Variants in SMARCC1 observed in about 807,000 individuals in gnomAD.
SMARCC1 encodes SWI/SNF related BAF chromatin remodeling complex subunit C1.
In SMARCC1, 43 loss-of-function variants were observed where a neutral mutation model predicts 147.4. That is an observed-to-expected ratio of 0.29 (90% CI 0.23 to 0.38). The LOEUF is 0.38. SMARCC1 is among the 10% of genes least tolerant of loss of function. The pLI is 1.00. For missense variants in SMARCC1, 1,119 were observed against 1,381.1 expected (o/e 0.81, Z 3.01); for synonymous variants, 495 against 484.4 (o/e 1.02, Z -0.29).
intron 4 of SMARCC1, among the ~76,000 whole-genome samples, chr3:47,737,574 A>G (rs191407348): frequency 9.5e-4 from 145 of 152,278 alleles, no homozygotes; most frequent in African/African-American, 3.3e-3. Context: ...AATACCTTTC[A>G]GAACATTTTC....
At chr3:47,733,970 C>CGT (rs564024219) in intron 5 of SMARCC1, among the ~76,000 whole-genome samples, 71 of 150,186 alleles carry the variant, frequency 4.7e-4, no homozygotes, top group South Asian at 3.6e-3. Flanking sequence ...CATATATGTA[C>CGT]GTGTGTGTAT....
intron 17 of SMARCC1, among the ~76,000 whole-genome samples, chr3:47,676,150 T>G (rs1409435742): frequency 1.3e-5 from 2 of 152,186 alleles, no homozygotes; most frequent in Non-Finnish European, 2.9e-5. Context: ...ATTTATACCT[T>G]AGGTTCCTGT....
chr3:47,737,408 A>T (rs1423409015), intron 4 of SMARCC1, among the ~76,000 whole-genome samples: 2 of 152,176 alleles, frequency 1.3e-5, no homozygotes, highest in Non-Finnish European at 2.9e-5. Flanking sequence ...CAAAGAAAAT[A>T]AAAATAAAAT....
intron 3 of SMARCC1, among the ~76,000 whole-genome samples, chr3:47,738,651 T>C (rs1369940416): frequency 6.6e-6 from 1 of 151,804 alleles, no homozygotes; most frequent in Non-Finnish European, 1.5e-5. Context: ...GCCACTGCAC[T>C]CTAGCCTGGT....
chr3:47,630,426 T>TG (rs557255346), intron 24 of SMARCC1, among the ~76,000 whole-genome samples: 144 of 152,302 alleles, frequency 9.5e-4, no homozygotes, highest in African/African-American at 3.3e-3. Context: ...CCAGTGGGGT[T>TG]GGGGACCCCT....
intron 21 of SMARCC1, among the ~76,000 whole-genome samples, chr3:47,659,050 G>A (rs954503058): frequency 4.6e-5 from 7 of 150,770 alleles, no homozygotes; most frequent in East Asian, 2.0e-4. Context: ...CCCAGGAGGC[G>A]GAGGCTGCAG....
intron 12 of SMARCC1, 41 bp downstream of exon 12, chr3:47,693,200 G>C (rs372639695): frequency 1.1e-4 from 128 of 1,150,730 alleles, no homozygotes; most frequent in Non-Finnish European, 1.6e-4. Flanking sequence ...ACATATTCAA[G>C]ACAGAAAGCA....
At chr3:47,604,382 T>TA (rs1219643821) in intron 26 of SMARCC1, 1 of 434,270 alleles carries the variant, frequency 2.3e-6, no homozygotes, top group Non-Finnish European at 4.6e-6. Flanking sequence ...TCATATATCA[T>TA]AAAGTCGAGC....
intron 2 of SMARCC1, among the ~76,000 whole-genome samples, chr3:47,760,046 G>C (rs2034756152): frequency 6.6e-6 from 1 of 152,176 alleles, no homozygotes; most frequent in Non-Finnish European, 1.5e-5. Flanking sequence ...AGGTATGGTG[G>C]CTCACGCCTG....
At chr3:47,633,778 AT>A (rs2032930074) in intron 24 of SMARCC1, among the ~76,000 whole-genome samples, 5 of 30,114 alleles carry the variant, frequency 1.7e-4, no homozygotes, top group South Asian at 2.0e-3. Context: ...ATATATATAT[AT>A]ACACACACAC....
intron 22 of SMARCC1, 52 bp downstream of exon 22, chr3:47,638,673 A>G (rs2033006677): frequency 1.5e-6 from 2 of 1,364,828 alleles, no homozygotes; most frequent in Admixed American, 3.4e-5. Flanking sequence ...AAAACAAACC[A>G]TTATGGTCTG....
rs533483836 is a variant in SMARCC1 at position 47,727,659 on chromosome 3, G to A, written c.646+1366C>T. Among the ~76,000 whole-genome samples, 9 of 151,288 alleles carry A rather than the reference G, an allele frequency of 5.9e-5. 1 individual carries two copies. In the South Asian group the frequency reaches 1.3e-3, roughly 21 times the overall value. On this transcript the variant is annotated intron_variant, in intron 6 of 27. Transcript: ENST00000254480. ...AGACAGAGTTTTGCTCTTCTTGCCC[G>A]GGCTAGAGCGCAGTGGTGCAATCTC...
chr3:47,619,205 A>G (rs2032691638), intron 25 of SMARCC1, among the ~76,000 whole-genome samples: 1 of 152,022 alleles, frequency 6.6e-6, no homozygotes, highest in African/African-American at 2.4e-5. Flanking sequence ...ATACAAACAT[A>G]CTGTATTGTC....
chr3:47,750,389 C>T (rs1016369093), intron 2 of SMARCC1, among the ~76,000 whole-genome samples: 1 of 151,998 alleles, frequency 6.6e-6, no homozygotes, highest in Admixed American at 6.6e-5. Flanking sequence ...GAGCCGGGAT[C>T]GCGCCAGGGC....
At chr3:47,702,531 G>T (rs2033936111) in intron 10 of SMARCC1, among the ~76,000 whole-genome samples, 1 of 152,194 alleles carries the variant, frequency 6.6e-6, no homozygotes. Context: ...CAAGGCAGAA[G>T]AATTGCTCGA....
chr3:47,671,190 A>AAAAAAAAAAAAAAAAC (rs1559640688), intron 18 of SMARCC1, among the ~76,000 whole-genome samples: 1 of 145,148 alleles, frequency 6.9e-6, no homozygotes, highest in Admixed American at 6.9e-5. Flanking sequence ...AAAAAAAAAA[A>AAAAAAAAAAAAAAAAC]AAAAAAAACA....
chr3:47,642,069 C>G (rs1471796556), intron 21 of SMARCC1, among the ~76,000 whole-genome samples: 1 of 152,136 alleles, frequency 6.6e-6, no homozygotes, highest in Non-Finnish European at 1.5e-5. Flanking sequence ...CTATCGCATC[C>G]ATCCCTGAAA....
In SMARCC1 at chr3:47,772,934, A is replaced by G. The variant is rs1347714279; in HGVS notation, c.198T>C (p.Tyr66=). The G allele has an allele frequency of 6.2e-7, 1 of 1,602,766 alleles. No individual in the cohort carries two copies. Among genetic ancestry groups the G allele is most frequent in the African/African-American group, 1.3e-5 (1 of 74,396 alleles). The change falls in exon 2 of 28, where the codon TAT becomes TAC. Residue 66 remains tyrosine (Y), a splice_region_variant and synonymous_variant. Coordinates refer to ENST00000254480, the MANE Select transcript of SMARCC1 (RefSeq NM_003074.4). ...TATTGGTAGGAGCATCCGCATGAAC[A>G]TACTGCAAGATAAAGACAGGCATTC... ...RVWLGKHYKK[Y]VHADAPTNKT...
At chr3:47,745,823 C>A in intron 3 of SMARCC1, 85 bp downstream of exon 3, 1 of 761,166 alleles carries the variant, frequency 1.3e-6, no homozygotes, top group South Asian at 2.2e-5. Flanking sequence ...TCATCATGTG[C>A]TTACAGGATT....
Sources: allele counts gnomAD v4.1 joint callset (sites outside exome capture counted in the v4.1 genomes callset), GRCh38; gene constraint gnomAD v4.1.1; transcripts MANE v1.5; gene names NCBI Gene and HGNC (gene_info 2026-07-23, HGNC 2026-07-21).